PC: variants seen among roughly 807,000 people sequenced by gnomAD.
PC encodes the protein pyruvate carboxylase, also known as pyruvate carboxylase, mitochondrial.
A neutral mutation model predicts 107.8 loss-of-function variants in PC; 46 were observed. The ratio of observed to expected loss-of-function variants is 0.43; its 90% CI spans 0.34 to 0.55. The LOEUF (loss-of-function observed/expected upper bound fraction) is 0.55, where lower values mean the gene tolerates loss of function less well. Among genes scored for constraint, PC ranks in the 20% least tolerant of loss-of-function variants. PC has a pLI of 0.04. For synonymous variants in PC, 662 were observed against 684.7 expected (o/e 0.97, Z 0.52); for missense variants, 1,241 against 1,643.1 (o/e 0.76, Z 4.23).
chr11:66,883,475 C>T (rs983008940), intron 3 of PC, among the ~76,000 whole-genome samples: 5 of 152,142 alleles, frequency 3.3e-5, no homozygotes, highest in African/African-American at 7.2e-5. Flanking sequence ...CTATATTCCC[C>T]GGGCAGCCAC....
intron 3 of PC, among the ~76,000 whole-genome samples, chr11:66,911,418 G>A (rs1324807192): frequency 6.7e-6 from 1 of 148,212 alleles, no homozygotes; most frequent in Admixed American, 6.7e-5. Flanking sequence ...GGAGCAGCCT[G>A]GACAAAAAAA....
intron 3 of PC, among the ~76,000 whole-genome samples, chr11:66,927,817 G>C (rs1833038702): frequency 6.6e-6 from 1 of 152,086 alleles, no homozygotes; most frequent in African/African-American, 2.4e-5. Flanking sequence ...CTACTCAAGG[G>C]GAGAGGGTAG....
Position 66,849,442 on chromosome 11 carries a change from G to T in PC, c.3148-72C>A, listed in dbSNP as rs536414447. The T allele has an allele frequency of 5.0e-6, 8 of 1,607,526 alleles. No homozygotes were observed. In the African/African-American group the frequency reaches 1.1e-4, roughly 21 times the overall value. ...AGCAGTCCCCCGGCCCTGGCCATAGGAAGTCCCCACACTGGGCCTTGGCTC... is the reference window on the plus strand; with the variant it reads ...AGCAGTCCCCCGGCCCTGGCCATAGTAAGTCCCCACACTGGGCCTTGGCTC... On this transcript the variant is annotated intron_variant, in intron 21 of 22. Transcript: ENST00000393960.
At chr11:66,926,190 G>A (rs1250731282) in intron 3 of PC, among the ~76,000 whole-genome samples, 1 of 152,158 alleles carries the variant, frequency 6.6e-6, no homozygotes, top group Non-Finnish European at 1.5e-5. Context: ...GAAAAGGCAA[G>A]CAAACTATTT....
chr11:66,933,037 C>A (rs11823218), intron 3 of PC, among the ~76,000 whole-genome samples: 5,800 of 152,208 alleles, frequency 0.038, 354 homozygotes, highest in African/African-American at 0.13. Context: ...AACCTCTTAA[C>A]TCTAACACCT....
chr11:66,871,550 C>G lies in PC; in HGVS notation c.322-70G>C. ...CCAAGGCCTCGGCCAGCCTCTTCCCCTGCCTAACCTGCTGAGCTGCATCCG... is the reference window on the plus strand; with the variant it reads ...CCAAGGCCTCGGCCAGCCTCTTCCCGTGCCTAACCTGCTGAGCTGCATCCG... On this transcript the variant is annotated intron_variant, in intron 5 of 22. Transcript: ENST00000393960. This position sits in a 1 kb window ranked among gnomAD's most constrained non-coding sequence, Gnocchi z 7.4. The G allele has an allele frequency of 6.3e-7, 1 of 1,599,932 alleles. No individual in the cohort carries two copies. The highest frequency in any genetic ancestry group is 8.6e-7 in the Non-Finnish European group (1 of 1,168,738).
intron 10 of PC, among the ~76,000 whole-genome samples, chr11:66,867,701 C>T (rs751336904): frequency 5.9e-5 from 9 of 152,234 alleles, no homozygotes; most frequent in Admixed American, 2.6e-4. Context: ...ACACAAAACC[C>T]GTGCTCCACA....
chr11:66,923,274 A>G (rs1948636339), intron 3 of PC, among the ~76,000 whole-genome samples: 1 of 151,576 alleles, frequency 6.6e-6, no homozygotes, highest in African/African-American at 2.4e-5. Flanking sequence ...AGGCAGGAGA[A>G]TCGCTTGAAC....
chr11:66,915,730 C>T (rs530471422), intron 3 of PC, among the ~76,000 whole-genome samples: 2 of 152,318 alleles, frequency 1.3e-5, no homozygotes, highest in African/African-American at 4.8e-5. Context: ...GAGACTTCCT[C>T]GATTTATCCT....
intron 3 of PC, among the ~76,000 whole-genome samples, chr11:66,922,578 A>G (rs1948620827): frequency 1.3e-5 from 2 of 149,122 alleles, no homozygotes; most frequent in South Asian, 4.2e-4. Flanking sequence ...AAAAAAAAAA[A>G]GCAATGAGCC....
chr11:66,892,854 C>CAA (rs36052850), intron 3 of PC, among the ~76,000 whole-genome samples: 1,903 of 133,338 alleles, frequency 0.014, 39 homozygotes, highest in African/African-American at 0.048. Context: ...GACTCCATCT[C>CAA]AAAAAAAAAA....
At chr11:66,860,843 A>G (rs1387596918) in intron 12 of PC, among the ~76,000 whole-genome samples, 2 of 152,202 alleles carry the variant, frequency 1.3e-5, no homozygotes, top group Non-Finnish European at 2.9e-5. Context: ...GACTGGACTA[A>G]GCAACAGGAG....
At chr11:66,877,077 TC>T (rs1424433396) in intron 3 of PC, among the ~76,000 whole-genome samples, 2 of 152,178 alleles carry the variant, frequency 1.3e-5, no homozygotes, top group African/African-American at 4.8e-5. Context: ...GCAAAACTTA[TC>T]AAGAGCCTTT....
chr11:66,849,902 G>GC, intron 20 of PC, 35 bp downstream of exon 20: 1 of 1,613,540 alleles, frequency 6.2e-7, no homozygotes, highest in Non-Finnish European at 8.5e-7. Context: ...CCTGCATCCA[G>GC]CCCCCACCCT....
intron 3 of PC, among the ~76,000 whole-genome samples, chr11:66,892,674 G>A (rs1421095712): frequency 1.3e-5 from 2 of 152,180 alleles, no homozygotes; most frequent in South Asian, 2.1e-4. Flanking sequence ...GTGAAACCCC[G>A]TCTCTACTAA....
At chr11:66,945,481 A>G (rs1949262625) in intron 3 of PC, among the ~76,000 whole-genome samples, 1 of 110,506 alleles carries the variant, frequency 9.0e-6, no homozygotes, top group Non-Finnish European at 2.0e-5. Context: ...TAGTAATGTG[A>G]TACTTCTATT....
At chr11:66,923,162 C>T (rs1030598334) in intron 3 of PC, among the ~76,000 whole-genome samples, 3 of 151,958 alleles carry the variant, frequency 2.0e-5, no homozygotes, top group East Asian at 1.9e-4. Context: ...GTCAGGAGAT[C>T]GAGACCATCC....
chr11:66,936,903 G>C (rs1002971931), intron 3 of PC, among the ~76,000 whole-genome samples: 1 of 151,894 alleles, frequency 6.6e-6, no homozygotes, highest in African/African-American at 2.4e-5. Flanking sequence ...GCAGTGGCGC[G>C]ATCTTGGCTC....
chr11:66,942,851 A>T lies in PC; in HGVS notation c.-1+9579T>A, dbSNP rs2136136191. Among the ~76,000 whole-genome samples the T allele has an allele frequency of 3.9e-5, 6 of 151,940 alleles. No homozygotes were observed. The South Asian group carries it at 1.3e-3, about 32-fold the overall frequency. Reference sequence around the variant, plus strand: ...AACATGGAGAAAACCCGTCTCTACTAAAAAGAAATACAAAATTAGCTGGGT... The same window carrying T: ...AACATGGAGAAAACCCGTCTCTACTTAAAAGAAATACAAAATTAGCTGGGT... On this transcript the variant is annotated intron_variant, in intron 3 of 22. Coordinates refer to ENST00000393960, the MANE Select transcript of PC (RefSeq NM_001040716.2).
Sources: allele counts gnomAD v4.1 joint callset (sites outside exome capture counted in the v4.1 genomes callset), GRCh38; gene constraint gnomAD v4.1.1; non-coding constraint Gnocchi (gnomAD v3.1); transcripts MANE v1.5; gene names NCBI Gene and HGNC (gene_info 2026-07-23, HGNC 2026-07-21).